RIIAD1: variants seen among roughly 807,000 people sequenced by gnomAD.
RIIAD1 encodes RIIa domain-containing protein 1.
A neutral mutation model predicts 13.3 loss-of-function variants in RIIAD1; 15 were observed. The ratio of observed to expected loss-of-function variants is 1.13; its 90% CI spans 0.76 to 1.74. The LOEUF (loss-of-function observed/expected upper bound fraction) is 1.74. Ranked by LOEUF, RIIAD1 falls within the 40% of genes most tolerant of loss-of-function variation. The pLI, the probability that RIIAD1 is intolerant of heterozygous loss-of-function variation, is 0.00. For missense variants in RIIAD1, 121 were observed against 112.2 expected (o/e 1.08, Z -0.35); for synonymous variants, 50 against 43.3 (o/e 1.16, Z -0.61).
chr1:151,711,919 C>T (rs1192441761), exon 2 of RIIAD1: 1 of 152,256 alleles, frequency 6.6e-6, no homozygotes, highest in African/African-American at 2.4e-5. Context: ...AATAGCATCT[C>T]GAGAAATACC....
At chr1:151,714,670 G>A (rs1246011179) in intron 4 of RIIAD1, 1 of 1,557,686 alleles carries the variant, frequency 6.4e-7, no homozygotes, top group Admixed American at 1.9e-5. Context: ...TGTCAGGAAG[G>A]CACATCCTGA....
chr1:151,728,384 A>G (rs1050427010), intron 3 of RIIAD1: 17 of 232,272 alleles, frequency 7.3e-5, no homozygotes, highest in Admixed American at 3.6e-4. Flanking sequence ...GGGCCCCAAG[A>G]TGGGCCTGGA....
At chr1:151,729,382 G>A (rs1217582144) in intron 4 of RIIAD1, 106 bp from the exon 5 acceptor site, 1 of 152,054 alleles carries the variant, frequency 6.6e-6, no homozygotes, top group African/African-American at 2.4e-5. Flanking sequence ...ACGTTTTTCA[G>A]GCAGAATGAT....
chr1:151,713,344 G>A (rs1206790080), intron 2 of RIIAD1: 1 of 152,238 alleles, frequency 6.6e-6, no homozygotes, highest in Non-Finnish European at 1.5e-5. Flanking sequence ...GACCTAGGGT[G>A]GACACCTGCA....
upstream of RIIAD1, among the ~76,000 whole-genome samples, chr1:151,719,289 C>T (rs1673693432): frequency 6.6e-6 from 1 of 152,024 alleles, no homozygotes; most frequent in Non-Finnish European, 1.5e-5. Context: ...GCAGGGGAGC[C>T]CTGAGACTCA....
At chr1:151,724,767 A>G (rs1181854030) in intron 2 of RIIAD1, among the ~76,000 whole-genome samples, 1 of 152,044 alleles carries the variant, frequency 6.6e-6, no homozygotes, top group Admixed American at 6.6e-5. Flanking sequence ...TGTGCTGCAG[A>G]TATGATAGAT....
chr1:151,723,610 G>GA (rs1355150791), intron 2 of RIIAD1, among the ~76,000 whole-genome samples: 1 of 152,222 alleles, frequency 6.6e-6, no homozygotes, highest in Non-Finnish European at 1.5e-5. Context: ...TGAGGCAGGA[G>GA]AATCGCTTAA....
At position 151,715,839 on chromosome 1, in the gene RIIAD1, C is replaced by T. The variant is rs756344382; in HGVS notation, c.21+1310C>T. On this transcript the variant is annotated intron_variant, in intron 4 of 8. Coordinates refer to the RIIAD1 transcript ENST00000326413. ...GCTTAACTTCCCCCAGCCTCCCAGC[C>T]CACCCCGAAGCCTCTTCAGCCTGCC... 6.9e-6 allele frequency: 11 copies of T among 1,600,432 alleles called. 1 individual carries two copies. In the South Asian group the frequency reaches 1.1e-4, roughly 16 times the overall value.
intron 2 of RIIAD1, among the ~76,000 whole-genome samples, chr1:151,713,183 G>A (rs575582578): frequency 7.9e-4 from 121 of 152,306 alleles, no homozygotes; most frequent in Non-Finnish European, 1.3e-3. Flanking sequence ...GCGTCACCTA[G>A]AAGCTCTGGA....
intron 2 of RIIAD1, among the ~76,000 whole-genome samples, chr1:151,724,838 C>T (rs558540230): frequency 4.0e-5 from 6 of 150,012 alleles, no homozygotes; most frequent in African/African-American, 7.3e-5. Flanking sequence ...CTCGCTCTGT[C>T]GCTTAGGCTG....
At chr1:151,713,036 A>T (rs1673159224) in intron 2 of RIIAD1, among the ~76,000 whole-genome samples, 1 of 152,116 alleles carries the variant, frequency 6.6e-6, no homozygotes, top group Admixed American at 6.5e-5. Flanking sequence ...GCTCCCCACA[A>T]CTGCCCTGGG....
chr1:151,721,487 G>A (rs1673733682), upstream of RIIAD1: 17 of 1,157,140 alleles, frequency 1.5e-5, no homozygotes, highest in East Asian at 5.4e-4. Flanking sequence ...GCGGGGCCGG[G>A]GGCGGGGCCT....
At chr1:151,722,024 C>T in intron 1 of RIIAD1, 62 bp from the exon 2 acceptor site, 2 of 1,222,228 alleles carry the variant, frequency 1.6e-6, no homozygotes, top group Non-Finnish European at 2.4e-6. Context: ...CCCTTCACAT[C>T]TCCAGGGCTG....
At chr1:151,716,933 CT>C (rs955980542), upstream of RIIAD1, 18 of 363,242 alleles carry the variant, frequency 5.0e-5, no homozygotes, top group Middle Eastern at 3.8e-3. Context: ...GCCACGCCCT[CT>C]TTCTATCTCC....
chr1:151,724,803 A>T (rs1449979246), intron 2 of RIIAD1, among the ~76,000 whole-genome samples: 7 of 146,454 alleles, frequency 4.8e-5, no homozygotes, highest in South Asian at 2.1e-4. Context: ...TGTAGAAAGT[A>T]TTTTTTTTTT....
At chr1:151,714,181 T>TCCTCCCTCATCTCACAGCCACC (rs1216480907) in intron 3 of RIIAD1, among the ~76,000 whole-genome samples, 31 of 151,786 alleles carry the variant, frequency 2.0e-4, no homozygotes, top group African/African-American at 7.3e-4. Flanking sequence ...CTCTGGGCAC[T>TCCTCCCTCATCTCACAGCCACC]CCTCCCTCAT....
chr1:151,719,716 A>C (rs1673701226), upstream of RIIAD1: 1 of 695,594 alleles, frequency 1.4e-6, no homozygotes, highest in Middle Eastern at 2.3e-4. Flanking sequence ...AATACATAAT[A>C]GTGAGTACTG....
chr1:151,714,507 T>A (rs939592), exon 4 of RIIAD1: 507,084 of 945,778 alleles, frequency 0.54, 141,437 homozygotes, highest in African/African-American at 0.79. Flanking sequence ...GAGGTGGAAA[T>A]TATGCTCAGT....
chr1:151,718,890 G>T (rs1034293869), upstream of RIIAD1, among the ~76,000 whole-genome samples: 3 of 152,152 alleles, frequency 2.0e-5, no homozygotes, highest in Admixed American at 6.5e-5. Flanking sequence ...ATGCTAAACA[G>T]ATCATGTCCT....
Sources: allele counts gnomAD v4.1 joint callset (sites outside exome capture counted in the v4.1 genomes callset), GRCh38; gene constraint gnomAD v4.1.1; transcripts MANE v1.5; gene names NCBI Gene and HGNC (gene_info 2026-07-23, HGNC 2026-07-21).